Variants in CCDC122 observed in about 807,000 individuals in gnomAD.
The protein encoded by CCDC122 is coiled-coil domain containing 122, also known as coiled-coil domain-containing protein 122.
CCDC122 carries 38 observed loss-of-function variants against 37.0 expected under a neutral mutation model. The ratio of observed to expected loss-of-function variants is 1.03; its 90% CI spans 0.79 to 1.35. CCDC122 has a LOEUF of 1.35. Ranked by LOEUF, CCDC122 falls within the 40% of genes most tolerant of loss-of-function variation. The probability of loss-of-function intolerance (pLI) is 0.00; values close to 1 mark genes in which losing one functional copy is unlikely to be tolerated. For synonymous variants in CCDC122, 83 were observed against 95.6 expected (o/e 0.87, Z 0.77); for missense variants, 305 against 310.0 (o/e 0.98, Z 0.12).
intron 4 of CCDC122, among the ~76,000 whole-genome samples, chr13:43,863,042 T>A (rs1324216807): frequency 6.6e-6 from 1 of 151,952 alleles, no homozygotes; most frequent in Non-Finnish European, 1.5e-5. Context: ...GCAAAATTAA[T>A]ATAAATACAT....
At chr13:43,841,613 T>C (rs1376496079) in intron 6 of CCDC122, among the ~76,000 whole-genome samples, 2 of 152,242 alleles carry the variant, frequency 1.3e-5, no homozygotes, top group African/African-American at 4.8e-5. Context: ...TATAGGCTGA[T>C]AGGATTTCTT....
chr13:43,853,204 A>C (rs1953801026), intron 6 of CCDC122, among the ~76,000 whole-genome samples: 1 of 152,204 alleles, frequency 6.6e-6, no homozygotes, highest in Non-Finnish European at 1.5e-5. Flanking sequence ...AGCTGGATAA[A>C]GAACTAAGAC....
chr13:43,878,156 A>C (rs1954710787), intron 1 of CCDC122: 1 of 152,208 alleles, frequency 6.6e-6, no homozygotes, highest in Non-Finnish European at 1.5e-5. Flanking sequence ...CACCATTGTA[A>C]AAACAGAGAT....
chr13:43,845,283 A>G (rs1953481097), intron 6 of CCDC122, among the ~76,000 whole-genome samples: 1 of 152,372 alleles, frequency 6.6e-6, no homozygotes, highest in East Asian at 1.9e-4. Context: ...TACATGCTAT[A>G]AAACCCAAAA....
chr13:43,859,741 T>C lies in CCDC122; in HGVS notation c.486A>G (p.Leu162=). 1.9e-6 allele frequency: 3 copies of C among 1,598,476 alleles called. No homozygotes were observed. The highest frequency in any genetic ancestry group is 2.6e-6 in the Non-Finnish European group (3 of 1,175,656). Residue 162 remains leucine (L), a synonymous_variant, in exon 5 of 7, where the codon TTA becomes TTG. Transcript: ENST00000444614. The stretch of plus-strand genomic sequence containing the variant: ...GCATAAGTTCTTCTTTCATTGTCTT[T>C]AATTTTTTAACAAAATCTCGCTTTT... ...LHEKRDFVKK[L]KTMKEELMQD...
chr13:43,853,694 C>T (rs1029037697), intron 6 of CCDC122, among the ~76,000 whole-genome samples: 2 of 152,206 alleles, frequency 1.3e-5, no homozygotes, highest in African/African-American at 4.8e-5. Context: ...ATACATTATT[C>T]TCATCGCCAC....
At chr13:43,841,706 T>C (rs1212875022) in intron 6 of CCDC122, among the ~76,000 whole-genome samples, 1 of 152,186 alleles carries the variant, frequency 6.6e-6, no homozygotes, top group Non-Finnish European at 1.5e-5. Context: ...GTCTTTTCAT[T>C]TTCTTTTGTT....
intron 3 of CCDC122, among the ~76,000 whole-genome samples, chr13:43,828,646 C>T (rs1448743293): frequency 6.6e-6 from 1 of 151,510 alleles, no homozygotes; most frequent in Non-Finnish European, 1.5e-5. Context: ...ACAAGAATTA[C>T]ATCATATTTA....
intron 6 of CCDC122, among the ~76,000 whole-genome samples, chr13:43,840,643 T>C (rs1953319441): frequency 6.6e-6 from 1 of 152,086 alleles, no homozygotes; most frequent in Non-Finnish European, 1.5e-5. Context: ...TGTTTGGTTT[T>C]TTGTCTTGCA....
At chr13:43,875,388 T>C (rs1489923056) in intron 1 of CCDC122, among the ~76,000 whole-genome samples, 8 of 152,184 alleles carry the variant, frequency 5.3e-5, no homozygotes, top group Admixed American at 5.2e-4. Flanking sequence ...TCCCAGAACA[T>C]GTAAATGTGA....
downstream of CCDC122, among the ~76,000 whole-genome samples, chr13:43,832,519 G>A (rs1015151051): frequency 5.9e-5 from 9 of 152,012 alleles, no homozygotes; most frequent in Non-Finnish European, 1.3e-4. Context: ...TTTCATAAAT[G>A]GGATTCCATT....
At chr13:43,831,276 G>A (rs1049175647) in intron 3 of CCDC122, among the ~76,000 whole-genome samples, 40 of 152,248 alleles carry the variant, frequency 2.6e-4, no homozygotes, top group African/African-American at 8.9e-4. Flanking sequence ...AAGTATGTGT[G>A]TAGGTCATGC....
intron 3 of CCDC122, among the ~76,000 whole-genome samples, chr13:43,825,675 C>A (rs1754952595): frequency 6.7e-6 from 1 of 148,168 alleles, no homozygotes; most frequent in African/African-American, 2.5e-5. Context: ...GAGGCTGAGG[C>A]AGGAGAATCA....
intron 6 of CCDC122, among the ~76,000 whole-genome samples, chr13:43,839,019 T>C (rs1295187613): frequency 1.3e-5 from 2 of 152,208 alleles, no homozygotes; most frequent in East Asian, 3.8e-4. Flanking sequence ...AGTGGGATGC[T>C]GCTTATCTCC....
In CCDC122 at chr13:43,837,373, C is replaced by G. The variant is rs1353543454; in HGVS notation, c.729G>C (p.Lys243Asn). Residue 243 changes from lysine to asparagine, a missense_variant, in exon 7 of 7, where the codon AAG becomes AAC. Transcript: ENST00000444614. ...ILKRLHCQVN[K>N]LQSNRRQWQW... ...GCCACTGTCGTCTATTTGACTGAAGCTTGTTCACCTGACAATGCAAACGCT... is the reference window on the plus strand; with the variant it reads ...GCCACTGTCGTCTATTTGACTGAAGGTTGTTCACCTGACAATGCAAACGCT... The G allele has an allele frequency of 4.3e-6, 7 of 1,614,068 alleles. No homozygotes were observed. Among genetic ancestry groups the G allele is most frequent in the Admixed American group, 1.7e-5 (1 of 60,018 alleles).
At chr13:43,859,619 C>T in intron 5 of CCDC122, 53 bp downstream of exon 5, 1 of 1,329,658 alleles carries the variant, frequency 7.5e-7, no homozygotes, top group Non-Finnish European at 1.0e-6. Context: ...AATGTATGTA[C>T]TTGCAAAAAA....
chr13:43,832,699 C>G (rs1044065094), downstream of CCDC122, among the ~76,000 whole-genome samples: 2 of 151,996 alleles, frequency 1.3e-5, no homozygotes, highest in African/African-American at 4.8e-5. Flanking sequence ...TTATTTATAA[C>G]AAAATTGAAG....
intron 3 of CCDC122, among the ~76,000 whole-genome samples, chr13:43,825,272 G>A (rs1442143732): frequency 6.6e-6 from 1 of 152,118 alleles, no homozygotes; most frequent in Non-Finnish European, 1.5e-5. Context: ...GCATCTGGAG[G>A]CCACCATTCT....
At chr13:43,838,330 T>A (rs12429722) in intron 6 of CCDC122, among the ~76,000 whole-genome samples, 56,822 of 151,978 alleles carry the variant, frequency 0.37, 12,781 homozygotes, top group Non-Finnish European at 0.52. Context: ...TCATTTGGTC[T>A]AAAAGATCCA....
Sources: gnomAD v4.1 joint callset for allele counts (sites outside exome capture counted in the v4.1 genomes callset) on GRCh38, gnomAD v4.1.1 for gene constraint, MANE v1.5 for transcripts, NCBI Gene and HGNC (gene_info 2026-07-23, HGNC 2026-07-21) for gene names.